The following UNC13B variants were observed in gnomAD, a reference collection of about 807,000 sequenced individuals.
UNC13B encodes the protein unc-13 homolog B.
UNC13B carries 144 observed loss-of-function variants against 211.0 expected under a neutral mutation model. That is an observed-to-expected ratio of 0.68 (90% confidence interval 0.60 to 0.78). The LOEUF is 0.78. Ranked by LOEUF, UNC13B falls within the 30% of genes least tolerant of loss-of-function variation. UNC13B has a pLI of 0.00. For missense variants in UNC13B, 1,777 were observed against 2,002.0 expected (o/e 0.89, Z 2.14); for synonymous variants, 709 against 725.8 (o/e 0.98, Z 0.37).
chr9:35,166,132 A>G (rs916566367), intron 1 of UNC13B, among the ~76,000 whole-genome samples: 6 of 152,184 alleles, frequency 3.9e-5, no homozygotes. Context: ...CTGTAATCCC[A>G]GCACTTTGGA....
chr9:35,202,356 G>A (rs867342054), intron 1 of UNC13B, among the ~76,000 whole-genome samples: 4 of 152,062 alleles, frequency 2.6e-5, no homozygotes, highest in South Asian at 2.1e-4. Context: ...TATTAGGTCC[G>A]CTTGGTGCAG....
At chr9:35,343,080 G>A (rs1832115064) in intron 11 of UNC13B, among the ~76,000 whole-genome samples, 1 of 152,214 alleles carries the variant, frequency 6.6e-6, no homozygotes, top group African/African-American at 2.4e-5. Context: ...TTGCATGTAT[G>A]AAGAAAGAGC....
chr9:35,186,425 C>A (rs1451485528), intron 1 of UNC13B, among the ~76,000 whole-genome samples: 1 of 152,190 alleles, frequency 6.6e-6, no homozygotes, highest in Non-Finnish European at 1.5e-5. Flanking sequence ...GTCCTCCCAC[C>A]CGCTGTCCCA....
chr9:35,177,759 G>A (rs1427449616), intron 1 of UNC13B, among the ~76,000 whole-genome samples: 1 of 152,158 alleles, frequency 6.6e-6, no homozygotes, highest in Non-Finnish European at 1.5e-5. Context: ...TTGCCCTCAA[G>A]AAATTGAGGG....
intron 11 of UNC13B, among the ~76,000 whole-genome samples, chr9:35,330,282 G>A (rs1339039519): frequency 6.6e-6 from 1 of 152,182 alleles, no homozygotes; most frequent in African/African-American, 2.4e-5. Context: ...TTGGCTTTTA[G>A]GGATCTGTCA....
At position 35,376,121 on chromosome 9, in the gene UNC13B, C is replaced by T; in HGVS notation, c.9709C>T (p.Pro3237Ser). ...CTTTGAGGTCTGGACGGCCACTACCCCAACCTACTGCTATGAGTGTGAAGG... is the reference window on the plus strand; with the variant it reads ...CTTTGAGGTCTGGACGGCCACTACCTCAACCTACTGCTATGAGTGTGAAGG... ...HNFEVWTATT[P>S]TYCYECEGLL... is the part of the protein sequence containing the mutation. Residue 3237 changes from proline to serine, a missense_variant, in exon 15 of 40, where the codon CCA (proline) becomes TCA (serine). Pro to Ser is a moderately conservative substitution (Grantham distance 74, BLOSUM62 -1). Coordinates refer to ENST00000635942, the MANE Select transcript of UNC13B (RefSeq NM_001371189.2). 6.2e-7 allele frequency: 1 copy of T among 1,614,250 alleles called. No individual in the cohort carries two copies. Among genetic ancestry groups the T allele is most frequent in the Non-Finnish European group, 8.5e-7 (1 of 1,180,044 alleles).
intron 2 of UNC13B, among the ~76,000 whole-genome samples, chr9:35,229,195 C>G (rs993646897): frequency 6.6e-6 from 1 of 152,102 alleles, no homozygotes; most frequent in Admixed American, 6.5e-5. Context: ...AAGACTTCCT[C>G]TGGTTACTGC....
intron 11 of UNC13B, chr9:35,351,398 A>G (rs1832710770): frequency 1.6e-6 from 2 of 1,229,492 alleles, no homozygotes; most frequent in Admixed American, 4.2e-5. Flanking sequence ...AGCATCAGCC[A>G]GCAATAATTG....
intron 11 of UNC13B, among the ~76,000 whole-genome samples, chr9:35,317,474 G>T (rs1830518338): frequency 6.7e-6 from 1 of 149,218 alleles, no homozygotes; most frequent in Non-Finnish European, 1.5e-5. Flanking sequence ...GCCTCCTAAA[G>T]TGCTGGGATT....
intron 1 of UNC13B, among the ~76,000 whole-genome samples, chr9:35,177,716 C>T (rs1821715583): frequency 6.6e-6 from 1 of 152,104 alleles, no homozygotes; most frequent in East Asian, 1.9e-4. Flanking sequence ...AACTTGTCAC[C>T]CTGGGTATAT....
intron 1 of UNC13B, among the ~76,000 whole-genome samples, chr9:35,211,171 G>T (rs1412704840): frequency 1.3e-5 from 2 of 152,218 alleles, no homozygotes; most frequent in Non-Finnish European, 2.9e-5. Context: ...TAAGAATAAA[G>T]AATATACGGT....
intron 6 of UNC13B, among the ~76,000 whole-genome samples, chr9:35,254,983 T>C (rs970906760): frequency 2.1e-4 from 25 of 121,298 alleles, no homozygotes; most frequent in Admixed American, 6.5e-4. Flanking sequence ...TATATTAATA[T>C]ATGTATATAT....
At chr9:35,380,753 C>G in intron 18 of UNC13B, 114 bp downstream of exon 18, 1 of 1,338,820 alleles carries the variant, frequency 7.5e-7, no homozygotes, top group Non-Finnish European at 1.0e-6. Context: ...CTATACAGAG[C>G]CTGTCTCACC....
chr9:35,202,823 C>T (rs1363078243), intron 1 of UNC13B, among the ~76,000 whole-genome samples: 4 of 147,728 alleles, frequency 2.7e-5, no homozygotes, highest in African/African-American at 1.0e-4. Flanking sequence ...GACAGAGTCT[C>T]GCTCTGTCAC....
intron 1 of UNC13B, among the ~76,000 whole-genome samples, chr9:35,183,282 GTGGC>G (rs1438460497): frequency 0.063 from 8,404 of 132,478 alleles, 3,056 homozygotes; most frequent in Non-Finnish European, 0.074. Context: ...CCCAGGCGGG[GTGGC>G]CGGGCAGAGG....
chr9:35,335,893 A>G (rs1274932241), intron 11 of UNC13B, among the ~76,000 whole-genome samples: 3 of 151,978 alleles, frequency 2.0e-5, no homozygotes, highest in Admixed American at 2.0e-4. Context: ...TCTTGTAGAG[A>G]TGGGGGTCCC....
rs764116015 is a variant in UNC13B at position 35,403,169 on chromosome 9, T to C, written c.12487T>C (p.Ser4163Pro). 1.7e-5 allele frequency: 28 copies of C among 1,613,764 alleles called. No homozygotes were observed. In the Admixed American group the frequency reaches 3.2e-4, roughly 18 times the overall value. Reference sequence around the variant, plus strand: ...TCATCTCTCCATTTGTCCCTCAGGGTCTGGTGTGGACGATCCTGTGGGAGA... The same window carrying C: ...TCATCTCTCCATTTGTCCCTCAGGGCCTGGTGTGGACGATCCTGTGGGAGA... ...TFVRSQTTQG[S>P]GVDDPVGEVS... is the part of the protein sequence containing the mutation. Residue 4163 changes from serine (S) to proline (P), a missense_variant and splice_region_variant, in exon 38 of 40, where the codon TCT becomes CCT. Ser to Pro is a moderately conservative substitution (Grantham distance 74). Coordinates refer to ENST00000635942, the MANE Select transcript of UNC13B (RefSeq NM_001371189.2).
chr9:35,305,368 C>T lies in UNC13B; in HGVS notation c.5964C>T (p.Phe1988=). The T allele has an allele frequency of 2.5e-6, 1 of 398,916 alleles. No individual in the cohort carries two copies. The allele number at this position is 398,916 out of a possible 1,614,324, so 24.7% of individuals were successfully genotyped here. A position where few individuals can be genotyped will look rare whatever the true frequency, so the allele number is the denominator to read the frequency against. The change falls in exon 9 of 40, where the codon TTC becomes TTT. Residue 1988 remains phenylalanine, a synonymous_variant. Coordinates refer to ENST00000635942, the MANE Select transcript of UNC13B (RefSeq NM_001371189.2). Reference sequence around the variant, plus strand: ...ATTTTTGGGGTACCCTTGGGGATTTCTTTAAAGCCAATGTATCTCCTATAC... The same window carrying T: ...ATTTTTGGGGTACCCTTGGGGATTTTTTTAAAGCCAATGTATCTCCTATAC... The part of the protein sequence containing the change: ...VSNFWGTLGD[F]FKANVSPIQT...
chr9:35,170,478 T>C (rs1251605284), intron 1 of UNC13B, among the ~76,000 whole-genome samples: 1 of 151,988 alleles, frequency 6.6e-6, no homozygotes, highest in Non-Finnish European at 1.5e-5. Flanking sequence ...ATTTTATGAT[T>C]AGTTTTTTGA....
Sources: gnomAD v4.1 joint callset for allele counts (sites outside exome capture counted in the v4.1 genomes callset) on GRCh38, gnomAD v4.1.1 for gene constraint, MANE v1.5 for transcripts, NCBI Gene and HGNC (gene_info 2026-07-23, HGNC 2026-07-21) for gene names.